The following NAV3 variants were observed in gnomAD, a reference collection of about 807,000 sequenced individuals.
The protein encoded by NAV3 is neuron navigator 3, also known as pore membrane and/or filament interacting like protein 1.
In NAV3, 87 loss-of-function variants were observed where a neutral mutation model predicts 244.7. The observed-to-expected ratio is 0.36, with a 90% CI of 0.30 to 0.42. NAV3 has a LOEUF of 0.42. NAV3 is among the 20% of genes least tolerant of loss of function. NAV3 has a pLI of 1.00. For synonymous variants in NAV3, 1,126 were observed against 1,042.2 expected (o/e 1.08, Z -1.55); for missense variants, 2,663 against 2,893.3 (o/e 0.92, Z 1.83).
At chr12:77,716,719 G>A (rs1056997784) in intron 2 of NAV3, among the ~76,000 whole-genome samples, 1 of 151,924 alleles carries the variant, frequency 6.6e-6, no homozygotes, top group Admixed American at 6.6e-5. Flanking sequence ...TATTCTAGGT[G>A]TTAGAGTTTG....
At chr12:77,991,838 T>A (rs893005718) in intron 5 of NAV3, among the ~76,000 whole-genome samples, 9 of 152,126 alleles carry the variant, frequency 5.9e-5, no homozygotes, top group African/African-American at 1.7e-4. Context: ...TGAGACCATC[T>A]TGGCCAACAT....
chr12:77,831,812 G>A (rs545901381), intron 1 of NAV3, 108 bp downstream of exon 1: 2 of 1,212,402 alleles, frequency 1.6e-6, no homozygotes, highest in African/African-American at 1.5e-5. Flanking sequence ...GAATACCAGT[G>A]TAAGGATGTA....
At chr12:78,203,076 A>C (rs1959899174) in intron 38 of NAV3, among the ~76,000 whole-genome samples, 1 of 152,084 alleles carries the variant, frequency 6.6e-6, no homozygotes, top group African/African-American at 2.4e-5. Context: ...TTGGTGATAC[A>C]ATGGATTTTG....
At chr12:78,015,856 C>T (rs1249147948) in intron 8 of NAV3, among the ~76,000 whole-genome samples, 2 of 152,084 alleles carry the variant, frequency 1.3e-5, no homozygotes, top group East Asian at 1.9e-4. Flanking sequence ...CATTTTCTCT[C>T]TGGCATTCTA....
At position 78,108,018 on chromosome 12, in the gene NAV3, G is replaced by T. The variant is rs75814378; in HGVS notation, c.2637-8754G>T. ...ATTCTCCACCTAAACGTTATGAAAT[G>T]CCTGAATGATAAAACTATATGATCC... is the stretch of plus-strand genomic sequence containing the variant. On this transcript the variant is annotated intron_variant, in intron 12 of 39. Coordinates refer to ENST00000397909, the MANE Select transcript of NAV3 (RefSeq NM_001024383.2). Among the ~76,000 whole-genome samples, 1,453 of 152,168 alleles carry T rather than the reference G, an allele frequency of 9.5e-3. 20 individuals carry two copies. Among genetic ancestry groups the T allele is most frequent in the Non-Finnish European group, 0.016 (1,074 of 67,942 alleles).
At chr12:77,926,717 C>T (rs760424963) in intron 1 of NAV3, among the ~76,000 whole-genome samples, 30 of 152,198 alleles carry the variant, frequency 2.0e-4, no homozygotes, top group Non-Finnish European at 2.6e-4. Context: ...CTACCAGTCT[C>T]GGATTCAATA....
intron 11 of NAV3, among the ~76,000 whole-genome samples, chr12:78,056,519 A>G (rs1271730554): frequency 6.6e-6 from 1 of 152,184 alleles, no homozygotes; most frequent in Non-Finnish European, 1.5e-5. Context: ...ACCTTAAGTC[A>G]GGAGTTCGAG....
At chr12:78,071,497 T>C (rs1952765488) in intron 12 of NAV3, among the ~76,000 whole-genome samples, 1 of 152,130 alleles carries the variant, frequency 6.6e-6, no homozygotes, top group African/African-American at 2.4e-5. Context: ...TCTCCCATTT[T>C]GTAGGTTGCC....
chr12:77,850,163 T>A (rs985141683), intron 1 of NAV3, among the ~76,000 whole-genome samples: 2 of 152,208 alleles, frequency 1.3e-5, no homozygotes, highest in Non-Finnish European at 2.9e-5. Flanking sequence ...AGAAAATCAG[T>A]AAGGAGGTGG....
At chr12:77,659,640 G>T (rs1219956745) in intron 2 of NAV3, among the ~76,000 whole-genome samples, 1 of 152,050 alleles carries the variant, frequency 6.6e-6, no homozygotes, top group African/African-American at 2.4e-5. Flanking sequence ...AAATCATACT[G>T]CTATAAAGAC....
intron 5 of NAV3, among the ~76,000 whole-genome samples, chr12:77,991,408 A>C (rs957323864): frequency 4.6e-5 from 7 of 152,206 alleles, no homozygotes; most frequent in Admixed American, 3.3e-4. Flanking sequence ...GATTGCTTTG[A>C]AGAAATTTCA....
In NAV3 at chr12:78,007,421, C is replaced by T. The variant is rs768491749; in HGVS notation, c.1883C>T (p.Ala628Val). The T allele has an allele frequency of 1.4e-5, 23 of 1,613,636 alleles. No individual in the cohort carries two copies. Among genetic ancestry groups the T allele is most frequent in the Non-Finnish European group, 1.8e-5 (21 of 1,179,818 alleles). Reference sequence around the variant, plus strand: ...CAGCAACATAGCCACCCGAATACCGCGACAGTGGCACCATTCATTTACAGG... The same window carrying T: ...CAGCAACATAGCCACCCGAATACCGTGACAGTGGCACCATTCATTTACAGG... The part of the protein sequence containing the change: ...QQQQHSHPNT[A>V]TVAPFIYRAH... The change falls in exon 8 of 40, where the codon GCG (alanine) becomes GTG (valine). Residue 628 changes from alanine (A) to valine (V), a missense_variant. Ala to Val is a moderately conservative substitution (Grantham distance 64). Around this residue, in one of 6 missense-constraint regions of NAV3, gnomAD observed 1,521 missense variants for 1,497.0 expected, o/e 1.02. Transcript: ENST00000397909.
chr12:77,771,178 A>G (rs1376903077), intron 2 of NAV3, among the ~76,000 whole-genome samples: 3 of 152,172 alleles, frequency 2.0e-5, no homozygotes, highest in African/African-American at 4.8e-5. Context: ...CATCATCACT[A>G]GCCATCAGAG....
intron 20 of NAV3, chr12:78,143,250 G>C (rs185414229): frequency 1.0e-5 from 4 of 387,816 alleles, no homozygotes; most frequent in Non-Finnish European, 2.0e-5. Context: ...ATTTGTCTCC[G>C]GATGTCTGCA....
chr12:77,781,681 C>T (rs1870668753), intron 2 of NAV3, among the ~76,000 whole-genome samples: 1 of 152,194 alleles, frequency 6.6e-6, no homozygotes. Flanking sequence ...TGTCCTTAAC[C>T]TTAGCAAAAT....
At chr12:78,120,074 T>A in intron 15 of NAV3, 129 bp downstream of exon 15, 2 of 517,450 alleles carry the variant, frequency 3.9e-6, no homozygotes, top group Non-Finnish European at 5.9e-6. Flanking sequence ...CTTAGAATTC[T>A]TTAAAGTACA....
chr12:78,171,282 C>T (rs556551166), intron 24 of NAV3, among the ~76,000 whole-genome samples: 11 of 151,642 alleles, frequency 7.3e-5, no homozygotes, highest in African/African-American at 2.7e-4. Context: ...ATCTTCATGT[C>T]GTAAATAGGT....
intron 1 of NAV3, among the ~76,000 whole-genome samples, chr12:77,885,229 T>C (rs1007568369): frequency 6.6e-6 from 1 of 152,124 alleles, no homozygotes; most frequent in African/African-American, 2.4e-5. Flanking sequence ...TGAAATGTGA[T>C]TGAGTGTCTC....
Position 78,050,096 on chromosome 12 carries a change from C to A in NAV3, c.2127C>A (p.Ser709Arg), listed in dbSNP as rs1882509268. ...TMSSLRGTQI[S>R]HSTLETTFDS... ...CCAGTCTTCGTGGGACTCAGATAAGCCACAGGTTTTTTTCAATTTTGCATA... is the reference window on the plus strand; with the variant it reads ...CCAGTCTTCGTGGGACTCAGATAAGACACAGGTTTTTTTCAATTTTGCATA... The change falls in exon 10 of 40, where the codon AGC (serine) becomes AGA (arginine). Residue 709 changes from serine to arginine, a missense_variant. This residue lies in a region of NAV3 where 1,521 missense variants were observed against 1,497.0 expected (regional missense o/e 1.02). Transcript: ENST00000397909. 1 of 1,599,764 alleles carries A rather than the reference C, an allele frequency of 6.3e-7. No homozygotes were observed. The highest frequency in any genetic ancestry group is 1.3e-5 in the African/African-American group (1 of 74,170).
Sources: gnomAD v4.1 joint callset for allele counts (sites outside exome capture counted in the v4.1 genomes callset) on GRCh38, gnomAD v4.1.1 for gene constraint, gnomAD v4.1.1 regional missense constraint, MANE v1.5 for transcripts, NCBI Gene and HGNC (gene_info 2026-07-23, HGNC 2026-07-21) for gene names.